Variants in REC114 observed in about 807,000 individuals in gnomAD.
REC114 encodes meiotic recombination protein REC114.
In REC114, 27 loss-of-function variants were observed where a neutral mutation model predicts 31.3. The observed-to-expected ratio is 0.86, with a 90% CI of 0.64 to 1.19. The LOEUF is 1.19. Among genes scored for constraint, REC114 ranks in the 50% most tolerant of loss-of-function variants. The pLI is 0.00. For missense variants in REC114, 344 were observed against 326.9 expected (o/e 1.05, Z -0.40); for synonymous variants, 134 against 127.7 (o/e 1.05, Z -0.33).
intron 2 of REC114, among the ~76,000 whole-genome samples, chr15:73,484,314 C>T: frequency 6.6e-6 from 1 of 152,036 alleles, no homozygotes; most frequent in East Asian, 1.9e-4. Flanking sequence ...ATGCTGTGCC[C>T]TCTCCCCAGT....
In REC114 at chr15:73,483,269, C is replaced by CGCT. The variant is rs35053500; in HGVS notation, c.249+9369_249+9371dup. On this transcript the variant is annotated intron_variant, in intron 2 of 5. Coordinates refer to ENST00000331090, the MANE Select transcript of REC114 (RefSeq NM_001042367.2). ...TTCCTCTGGTCATGTTTTGAGCTGC[C>CGCT]GCTGCTGCTGCTGCTGCTGCTGCAA... 1,393 of 154,928 alleles carry CGCT rather than the reference C, an allele frequency of 9.0e-3. 20 individuals carry two copies. The highest frequency in any genetic ancestry group is 0.029 in the Middle Eastern group (29 of 1,008). The allele number at this position is 154,928 out of a possible 1,614,324, so 9.6% of individuals were successfully genotyped here. A position where few individuals can be genotyped will look rare whatever the true frequency, so the allele number is the denominator to read the frequency against.
chr15:73,494,844 G>C (rs904945033), intron 2 of REC114, among the ~76,000 whole-genome samples: 4 of 152,202 alleles, frequency 2.6e-5, no homozygotes, highest in Non-Finnish European at 4.4e-5. Flanking sequence ...GTTATACTAA[G>C]TGTTTAATGG....
At chr15:73,480,274 T>A (rs985890084) in intron 2 of REC114, among the ~76,000 whole-genome samples, 1 of 151,914 alleles carries the variant, frequency 6.6e-6, no homozygotes, top group Admixed American at 6.5e-5. Context: ...TAATTTTTTT[T>A]ATTTTTATTT....
At chr15:73,487,674 A>G (rs1226573542) in intron 2 of REC114, among the ~76,000 whole-genome samples, 1 of 152,176 alleles carries the variant, frequency 6.6e-6, no homozygotes, top group Non-Finnish European at 1.5e-5. Flanking sequence ...CATGCGTTGG[A>G]GTTGGGTGCC....
Position 73,559,788 on chromosome 15 carries a change from G to A in REC114, c.673G>A (p.Glu225Lys). ...LASEELPHVYEQSAWGAEELG... is the reference protein window; with the variant it reads ...LASEELPHVYKQSAWGAEELG... ...ATCGGAGGAGCTGCCCCATGTCTAT[G>A]AACAATCTGCATGGGGTGCAGAAGA... is the stretch of plus-strand genomic sequence containing the variant. Residue 225 changes from glutamate (E) to lysine (K), a missense_variant, in exon 6 of 6, where the codon GAA becomes AAA. Coordinates refer to ENST00000331090, the MANE Select transcript of REC114 (RefSeq NM_001042367.2). 6.2e-7 allele frequency: 1 copy of A among 1,608,320 alleles called. No homozygotes were observed. The highest frequency in any genetic ancestry group is 8.5e-7 in the Non-Finnish European group (1 of 1,178,324).
intron 1 of REC114, among the ~76,000 whole-genome samples, chr15:73,461,922 C>CTTTTTTTTTTTTTTTT (rs961387922): frequency 1.3e-5 from 1 of 78,212 alleles, no homozygotes; most frequent in Non-Finnish European, 3.0e-5. Context: ...TTTTTCTTTT[C>CTTTTTTTTTTTTTTTT]TTTTTTTTTT....
At chr15:73,478,796 A>C (rs927593175) in intron 2 of REC114, among the ~76,000 whole-genome samples, 1 of 152,168 alleles carries the variant, frequency 6.6e-6, no homozygotes, top group Non-Finnish European at 1.5e-5. Flanking sequence ...TTTATCCACA[A>C]ATATTTCATA....
At chr15:73,482,188 T>C (rs1045113295) in intron 2 of REC114, among the ~76,000 whole-genome samples, 8 of 152,180 alleles carry the variant, frequency 5.3e-5, no homozygotes, top group African/African-American at 1.9e-4. Context: ...GTGATATAGT[T>C]TGGATGTTTG....
rs567473822 is a variant in REC114 at position 73,445,704 on chromosome 15, A to G, written c.159+2360A>G. On this transcript the variant is annotated intron_variant, in intron 1 of 5. Transcript: ENST00000331090. ...GAGGACTGAGGAGAGGGAGAGAGAC[A>G]GAGCAAAGGCTGGTGGATGGAGCAG... is the stretch of plus-strand genomic sequence containing the variant. Among the ~76,000 whole-genome samples the G allele has an allele frequency of 1.3e-4, 20 of 152,324 alleles. 1 individual carries two copies. The South Asian group carries it at 4.1e-3, about 32-fold the overall frequency.
At chr15:73,483,029 A>G (rs1045170073) in intron 2 of REC114, among the ~76,000 whole-genome samples, 4 of 152,044 alleles carry the variant, frequency 2.6e-5, no homozygotes, top group African/African-American at 9.7e-5. Flanking sequence ...GTTTTTTAAA[A>G]TAGTATTGAT....
intron 2 of REC114, among the ~76,000 whole-genome samples, chr15:73,479,094 T>C (rs894520760): frequency 2.7e-4 from 41 of 152,180 alleles, no homozygotes; most frequent in African/African-American, 8.9e-4. Context: ...CTTTTCAATG[T>C]TGAATAGCAA....
At chr15:73,486,145 T>C (rs557887722) in intron 2 of REC114, among the ~76,000 whole-genome samples, 1 of 152,308 alleles carries the variant, frequency 6.6e-6, no homozygotes, top group South Asian at 2.1e-4. Flanking sequence ...GTCACCAGGC[T>C]GAAGTGCGAT....
intron 1 of REC114, among the ~76,000 whole-genome samples, chr15:73,464,736 T>C (rs1893034555): frequency 6.6e-6 from 1 of 152,178 alleles, no homozygotes; most frequent in Non-Finnish European, 1.5e-5. Flanking sequence ...GGGACTAGGC[T>C]CTCTCACAAG....
chr15:73,530,898 C>T (rs536075338), intron 2 of REC114, among the ~76,000 whole-genome samples: 3 of 152,146 alleles, frequency 2.0e-5, no homozygotes, highest in South Asian at 2.1e-4. Context: ...CATCAAGAAG[C>T]GCTTTTGGTG....
chr15:73,450,463 A>G (rs558877333), intron 1 of REC114, among the ~76,000 whole-genome samples: 1 of 152,364 alleles, frequency 6.6e-6, no homozygotes, highest in East Asian at 1.9e-4. Context: ...CACCCAATAC[A>G]GGAGCACCCA....
At chr15:73,460,278 G>A (rs1165654150) in intron 1 of REC114, among the ~76,000 whole-genome samples, 1 of 152,058 alleles carries the variant, frequency 6.6e-6, no homozygotes, top group Non-Finnish European at 1.5e-5. Flanking sequence ...AGTGGTTTAA[G>A]GAGTCTAAGA....
At chr15:73,554,039 C>T (rs1894427807) in intron 4 of REC114, among the ~76,000 whole-genome samples, 2 of 152,154 alleles carry the variant, frequency 1.3e-5, no homozygotes, top group Admixed American at 6.5e-5. Flanking sequence ...TCCATCATTA[C>T]TATTATTGCC....
chr15:73,536,094 A>T (rs939445092), intron 2 of REC114, among the ~76,000 whole-genome samples: 21 of 152,110 alleles, frequency 1.4e-4, no homozygotes, highest in Middle Eastern at 3.4e-3. Context: ...CCTAGGCATT[A>T]CCATTCAGGA....
At chr15:73,540,253 A>G (rs2141329990) in intron 2 of REC114, among the ~76,000 whole-genome samples, 1 of 152,272 alleles carries the variant, frequency 6.6e-6, no homozygotes, top group East Asian at 1.9e-4. Flanking sequence ...TTTTCAACAT[A>G]AAAAGATTAA....
Sources: gnomAD v4.1 joint callset for allele counts (sites outside exome capture counted in the v4.1 genomes callset) on GRCh38, gnomAD v4.1.1 for gene constraint, MANE v1.5 for transcripts, NCBI Gene and HGNC (gene_info 2026-07-23, HGNC 2026-07-21) for gene names.